ANO1: variants seen among roughly 807,000 people sequenced by gnomAD.
ANO1 encodes the protein anoctamin-1.
Under a neutral mutation model 124.0 loss-of-function variants are expected in ANO1, and 59 were observed. The ratio of observed to expected loss-of-function variants is 0.48; its 90% CI spans 0.39 to 0.59. The LOEUF (loss-of-function observed/expected upper bound fraction) is 0.59. ANO1 is among the 20% of genes least tolerant of loss of function. The probability of loss-of-function intolerance (pLI) is 0.00; values close to 1 mark genes in which losing one functional copy is unlikely to be tolerated. For synonymous variants in ANO1, 529 were observed against 532.0 expected, an observed-to-expected ratio of 0.99 and a Z score of 0.08; for missense variants, 1,059 against 1,328.0, an observed-to-expected ratio of 0.80 and a Z score of 3.15.
At chr11:70,059,248 G>C (rs1289829198) in intron 1 of ANO1, among the ~76,000 whole-genome samples, 3 of 151,496 alleles carry the variant, frequency 2.0e-5, no homozygotes, top group Admixed American at 2.0e-4. Context: ...CTACTCAGGA[G>C]GCTGAGGCAG....
chr11:69,982,568 G>C (rs1053762856), upstream of ANO1, among the ~76,000 whole-genome samples: 4 of 152,348 alleles, frequency 2.6e-5, no homozygotes, highest in East Asian at 1.9e-4. Context: ...TTTTGGGCTG[G>C]AAGCTGAATT....
Position 70,185,824 on chromosome 11 carries a change from C to T in ANO1, c.2694+129C>T. 7 of 1,039,842 alleles carry T rather than the reference C, an allele frequency of 6.7e-6. No homozygotes were observed. The South Asian group carries it at 8.0e-5, about 12-fold the overall frequency. 64.4% of individuals were successfully genotyped at this position (1,039,842 alleles called of 1,614,324 possible). On this transcript the variant is annotated intron_variant, in intron 25 of 25. Transcript: ENST00000355303. The stretch of plus-strand genomic sequence containing the variant: ...GAGACTCCTCCAGAGGCTTGGAGAA[C>T]TTGCTCTGGGACACCCGAGGAGGGG...
intron 1 of ANO1, among the ~76,000 whole-genome samples, chr11:69,999,358 A>G (rs1277438663): frequency 1.3e-5 from 2 of 152,200 alleles, no homozygotes; most frequent in African/African-American, 4.8e-5. Flanking sequence ...ACCACGCTTG[A>G]GAAACTGTCC....
intron 2 of ANO1, among the ~76,000 whole-genome samples, chr11:70,097,751 G>A (rs528632536): frequency 6.6e-6 from 1 of 152,354 alleles, no homozygotes; most frequent in African/African-American, 2.4e-5. Flanking sequence ...CTGGCACAGA[G>A]TAGGCGCTTT....
intron 2 of ANO1, among the ~76,000 whole-genome samples, chr11:70,095,961 A>G (rs1473145742): frequency 2.6e-5 from 4 of 151,914 alleles, no homozygotes; most frequent in African/African-American, 7.3e-5. Flanking sequence ...GTTCTTTTCT[A>G]TCTTGAGGTT....
At chr11:70,025,631 G>A in intron 1 of ANO1, among the ~76,000 whole-genome samples, 1 of 150,218 alleles carries the variant, frequency 6.7e-6, no homozygotes, top group South Asian at 2.1e-4. Context: ...TGATGGTGTT[G>A]ATGATGGTGG....
At chr11:69,997,981 T>C (rs1275239799) in intron 1 of ANO1, among the ~76,000 whole-genome samples, 1 of 152,170 alleles carries the variant, frequency 6.6e-6, no homozygotes, top group Admixed American at 6.5e-5. Context: ...TATTTCTTTA[T>C]AGCAGTGCGA....
intron 20 of ANO1, 79 bp from the exon 21 acceptor site, chr11:70,167,163 C>T: frequency 4.6e-6 from 7 of 1,514,946 alleles, no homozygotes; most frequent in Non-Finnish European, 6.2e-6. Context: ...GAAAAAAAGA[C>T]ACATCACTAG....
chr11:70,107,303 C>T (rs1055393300), intron 5 of ANO1, among the ~76,000 whole-genome samples: 5 of 152,030 alleles, frequency 3.3e-5, no homozygotes, highest in African/African-American at 7.2e-5. Context: ...ACAGAGCCAC[C>T]GGGAGGGTGG....
At chr11:69,969,018 G>T in the ANO1 span, among the ~76,000 whole-genome samples, 1 of 152,196 alleles carries the variant, frequency 6.6e-6, no homozygotes, top group African/African-American at 2.4e-5. Flanking sequence ...TCTCCAGAGA[G>T]GAGCAGTTAG....
intron 20 of ANO1, among the ~76,000 whole-genome samples, 197 bp downstream of exon 20, chr11:70,165,767 TCCCAGCACTTTGG>T (rs2048233677): frequency 6.6e-6 from 1 of 152,018 alleles, no homozygotes; most frequent in Admixed American, 6.6e-5. Context: ...ACGCCTGTAA[TCCCAGCACTTTGG>T]GAAGCTGAGG....
rs773721841 is a variant in ANO1, at chr11:70,182,583, G to A, written c.2485G>A (p.Gly829Ser). Residue 829 changes from glycine to serine, a missense_variant, in exon 24 of 26, where the codon GGC becomes AGC. By Grantham distance (56) the Gly-to-Ser change is moderately conservative. Coordinates refer to ENST00000355303, the MANE Select transcript of ANO1 (RefSeq NM_018043.7). ...YMYSKNGTMH[G>S]FVNHTLSSFN... Reference sequence around the variant, plus strand: ...GTACAGTAAGAACGGGACCATGCACGGCTTCGTCAACCACACCCTCTCCTC... The same window carrying A: ...GTACAGTAAGAACGGGACCATGCACAGCTTCGTCAACCACACCCTCTCCTC... The A allele has an allele frequency of 8.7e-6, 14 of 1,613,538 alleles. No individual in the cohort carries two copies. The highest frequency in any genetic ancestry group is 1.2e-5 in the Non-Finnish European group (14 of 1,179,762).
chr11:69,987,604 C>CAAA lies in ANO1; in HGVS notation c.58+1468_58+1470dup, dbSNP rs202001305. Among the ~76,000 whole-genome samples the CAAA allele has an allele frequency of 4.2e-4, 46 of 109,718 alleles. 1 individual carries two copies. Among genetic ancestry groups the CAAA allele is most frequent in the African/African-American group, 1.7e-3 (40 of 23,342 alleles). 72.0% of individuals were successfully genotyped at this position (109,718 alleles called of 152,430 possible). A position where few individuals can be genotyped will look rare whatever the true frequency, so the allele number is the denominator to read the frequency against. On this transcript the variant is annotated intron_variant, in intron 1 of 27. Coordinates refer to the ANO1 transcript ENST00000531349. ...TGGGTAACAGAGCAAGACCATGTCT[C>CAAA]AAAAAAAAAAAAAAAAAAAAAAAAA...
In ANO1 at chr11:70,188,947, TG is replaced by T. The variant is rs371795138; in HGVS notation, c.*945del. On this transcript the variant is annotated 3_prime_UTR_variant, in exon 26 of 26. Coordinates refer to ENST00000355303, the MANE Select transcript of ANO1 (RefSeq NM_018043.7). Reference sequence around the variant, plus strand: ...GGATTTTTTTTCTGTAGCTCAAAGGTGGAGGGAGTTTATTAGTTAACCAAAT... The same window carrying T: ...GGATTTTTTTTCTGTAGCTCAAAGGTGAGGGAGTTTATTAGTTAACCAAAT... The T allele has an allele frequency of 2.4e-4, 37 of 151,820 alleles. 1 individual carries two copies. The East Asian group carries it at 3.7e-3, about 15-fold the overall frequency. The allele number at this position is 151,820 out of a possible 1,614,324, so 9.4% of individuals were successfully genotyped here. A position where few individuals can be genotyped will look rare whatever the true frequency, so the allele number is the denominator to read the frequency against.
chr11:70,148,880 G>A (rs2047480705), intron 11 of ANO1, among the ~76,000 whole-genome samples: 1 of 152,260 alleles, frequency 6.6e-6, no homozygotes, highest in Non-Finnish European at 1.5e-5. Flanking sequence ...GGGCAAGACA[G>A]ATGCAGGCTG....
At chr11:70,071,003 C>T (rs1407894376) in intron 1 of ANO1, among the ~76,000 whole-genome samples, 8 of 152,148 alleles carry the variant, frequency 5.3e-5, no homozygotes, top group Admixed American at 1.3e-4. Flanking sequence ...AGGTAGATGG[C>T]CCATGTACTG....
chr11:70,086,600 G>A (rs1225973726), intron 1 of ANO1, among the ~76,000 whole-genome samples: 4 of 152,214 alleles, frequency 2.6e-5, no homozygotes, highest in Admixed American at 2.6e-4. Flanking sequence ...CACGTGTGGG[G>A]AAGGTGCAAG....
chr11:69,987,693 C>T (rs1554997021), intron 1 of ANO1, among the ~76,000 whole-genome samples: 2 of 151,864 alleles, frequency 1.3e-5, no homozygotes, highest in East Asian at 3.9e-4. Context: ...CTCTCCCTTT[C>T]CCCACCCCAG....
intron 1 of ANO1, among the ~76,000 whole-genome samples, chr11:70,019,002 C>T (rs1484906744): frequency 6.6e-5 from 10 of 152,216 alleles, no homozygotes; most frequent in Admixed American, 4.6e-4. Flanking sequence ...GCAATAAGTA[C>T]GCAAAGTCCA....
Sources: allele counts gnomAD v4.1 joint callset (sites outside exome capture counted in the v4.1 genomes callset), GRCh38; gene constraint gnomAD v4.1.1; transcripts MANE v1.5; gene names NCBI Gene and HGNC (gene_info 2026-07-23, HGNC 2026-07-21).